HLA-DPB1: variants seen among roughly 807,000 people sequenced by gnomAD.
HLA-DPB1 encodes the protein HLA class II histocompatibility antigen, DP beta 1 chain.
HLA-DPB1 carries 30 observed loss-of-function variants against 29.4 expected under a neutral mutation model. That is an observed-to-expected ratio of 1.02 (90% confidence interval 0.76 to 1.38). The LOEUF (loss-of-function observed/expected upper bound fraction) is 1.38, where lower values mean the gene tolerates loss of function less well. HLA-DPB1 is among the 40% of genes most tolerant of loss of function. The probability of loss-of-function intolerance (pLI) is 0.00; values close to 1 mark genes in which losing one functional copy is unlikely to be tolerated. For missense variants in HLA-DPB1, 261 were observed against 327.5 expected, an observed-to-expected ratio of 0.80 and a Z score of 1.57; for synonymous variants, 114 against 134.0, an observed-to-expected ratio of 0.85 and a Z score of 1.03.
chr6:33,086,003 T>A (rs9277478), intron 4 of HLA-DPB1, 114 bp downstream of exon 4: 243,184 of 782,750 alleles, frequency 0.31, 42,836 homozygotes, highest in East Asian at 0.6. Context: ...AGGCCACTGA[T>A]ATCAGATAAT....
chr6:33,085,083 A>G lies in HLA-DPB1; in HGVS notation c.498A>G (p.Thr166=). 6.2e-7 allele frequency: 1 copy of G among 1,613,874 alleles called. No individual in the cohort carries two copies. The highest frequency in any genetic ancestry group is 8.5e-7 in the Non-Finnish European group (1 of 1,180,030). The change falls in exon 3 of 6, where the codon ACA becomes ACG. Residue 166 remains threonine, a synonymous_variant. Transcript: ENST00000418931. ...VRWFLNGQEE[T]AGVVSTNLIR... is the part of the protein sequence containing the mutation. The stretch of plus-strand genomic sequence containing the variant: ...GGTTCCTGAATGGACAGGAGGAAAC[A>G]GCTGGGGTCGTGTCCACCAACCTGA...
At chr6:33,084,020 T>G (rs1233736299) in intron 2 of HLA-DPB1, 1 of 147,974 alleles carries the variant, frequency 6.8e-6, no homozygotes, top group Non-Finnish European at 1.5e-5. Flanking sequence ...ATTCTGTAAA[T>G]ATGAAGATTT....
chr6:33,082,363 C>G (rs1762908885), intron 2 of HLA-DPB1, among the ~76,000 whole-genome samples: 1 of 151,942 alleles, frequency 6.6e-6, no homozygotes, highest in East Asian at 1.9e-4. Context: ...TCCCCAACCT[C>G]ACTCCTCTGA....
chr6:33,080,105 A>G lies in HLA-DPB1; in HGVS notation c.101-567A>G, dbSNP rs989529801. ...AGTTGAAGAAAGTTTTAAGAAATATATTTCTACATCTCCTACATGCAAAAC... is the reference window on the plus strand; with the variant it reads ...AGTTGAAGAAAGTTTTAAGAAATATGTTTCTACATCTCCTACATGCAAAAC... On this transcript the variant is annotated intron_variant, in intron 1 of 5. Coordinates refer to ENST00000418931, the MANE Select transcript of HLA-DPB1 (RefSeq NM_002121.6). This position sits in a 1 kb window ranked among gnomAD's most constrained non-coding sequence, Gnocchi z 4.3. 6.6e-6 allele frequency among the ~76,000 whole-genome samples: 1 copy of G among 152,186 alleles called. No homozygotes were observed. The highest frequency in any genetic ancestry group is 1.5e-5 in the Non-Finnish European group (1 of 68,040).
intron 1 of HLA-DPB1, among the ~76,000 whole-genome samples, chr6:33,079,071 A>G (rs1762704384): frequency 6.6e-6 from 1 of 152,248 alleles, no homozygotes; most frequent in South Asian, 2.1e-4. Flanking sequence ...GGTGGACTCC[A>G]TGGTGCCCTT....
rs1763228333 is a variant in HLA-DPB1, at chr6:33,088,796, T to C, written c.*2262T>C. ...CAGAGATTCAAAGGAAAGTTGGAAC[T>C]GGAGCTTTAAAGGAGATGTGAAGTG... On this transcript the variant is annotated 3_prime_UTR_variant, in exon 6 of 6. Coordinates refer to ENST00000418931, the MANE Select transcript of HLA-DPB1 (RefSeq NM_002121.6). Among the ~76,000 whole-genome samples, 1 of 152,134 alleles carries C rather than the reference T, an allele frequency of 6.6e-6. No individual in the cohort carries two copies. Among genetic ancestry groups the C allele is most frequent in the Non-Finnish European group, 1.5e-5 (1 of 68,020 alleles).
At chr6:33,084,843 CAA>C (rs111291348) in intron 2 of HLA-DPB1, 105 bp from the exon 3 acceptor site, 128,132 of 659,486 alleles carry the variant, frequency 0.19, 25,201 homozygotes, top group East Asian at 0.56. Context: ...GATTATGTCT[CAA>C]AAAAAAGGAA....
intron 2 of HLA-DPB1, among the ~76,000 whole-genome samples, chr6:33,084,703 G>A (rs1369504991): frequency 6.6e-6 from 1 of 152,076 alleles, no homozygotes; most frequent in Non-Finnish European, 1.5e-5. Flanking sequence ...GGAGGCTGAG[G>A]AAGGAGAATT....
Position 33,085,666 on chromosome 6 carries a change from C to T in HLA-DPB1, c.647-113C>T, listed in dbSNP as rs73741641. ...GAATTTCCTCTTAGCAAGCTTTTTC[C>T]GCTGCACTGTCCTCATCCCGATATG... On this transcript the variant is annotated intron_variant, in intron 3 of 5. Transcript: ENST00000418931. 2.9e-3 allele frequency: 2,213 copies of T among 775,264 alleles called. 29 individuals are homozygous for T. In the African/African-American group the frequency reaches 0.031, roughly 11 times the overall value. 48.0% of individuals were successfully genotyped at this position (775,264 alleles called of 1,614,324 possible).
At position 33,086,873 on chromosome 6, in the gene HLA-DPB1, G is replaced by T; in HGVS notation, c.*339G>T. The T allele has an allele frequency of 1.0e-5, 3 of 285,728 alleles. No individual in the cohort carries two copies. The highest frequency in any genetic ancestry group is 3.4e-5 in the South Asian group (1 of 29,622). 17.7% of individuals were successfully genotyped at this position (285,728 alleles called of 1,614,324 possible). ...AGGAGTTAATAAAGAAGTTCATTTT[G>T]GTTTAAACATAGGAAAGAAGAGAAC... On this transcript the variant is annotated 3_prime_UTR_variant, in exon 6 of 6. Coordinates refer to ENST00000418931, the MANE Select transcript of HLA-DPB1 (RefSeq NM_002121.6).
At chr6:33,085,530 C>T (rs9277463) in intron 3 of HLA-DPB1, among the ~76,000 whole-genome samples, 57,830 of 151,982 alleles carry the variant, frequency 0.38, 12,439 homozygotes, top group East Asian at 0.64. Flanking sequence ...AGTTCTCTTC[C>T]TTCAGCATTT....
chr6:33,079,325 T>C (rs1219592515), intron 1 of HLA-DPB1: 1 of 181,858 alleles, frequency 5.5e-6, no homozygotes, highest in Non-Finnish European at 1.1e-5. Flanking sequence ...CAGACACTGC[T>C]CATGGCACTC....
Position 33,086,636 on chromosome 6 carries a change from T to C in HLA-DPB1, c.*102T>C, listed in dbSNP as rs1042511. 1.0e-5 allele frequency: 5 copies of C among 480,176 alleles called. No homozygotes were observed. Among genetic ancestry groups the C allele is most frequent in the South Asian group, 1.8e-5 (1 of 56,402 alleles). 29.7% of individuals were successfully genotyped at this position (480,176 alleles called of 1,614,324 possible). On this transcript the variant is annotated 3_prime_UTR_variant, in exon 6 of 6. Coordinates refer to ENST00000418931, the MANE Select transcript of HLA-DPB1 (RefSeq NM_002121.6). ...CCAGGACAGACCTTCAACTTCCAAA[T>C]TGGATACTGCTGCCAAGAAGTTGCT...
Position 33,080,480 on chromosome 6 carries a change from G to A in HLA-DPB1, c.101-192G>A. 1.3e-6 allele frequency: 1 copy of A among 778,526 alleles called. No individual in the cohort carries two copies. Among genetic ancestry groups the A allele is most frequent in the Non-Finnish European group, 2.3e-6 (1 of 443,754 alleles). 48.2% of individuals were successfully genotyped at this position (778,526 alleles called of 1,614,324 possible). On this transcript the variant is annotated intron_variant, in intron 1 of 5. Transcript: ENST00000418931. The surrounding 1 kb of genome is among the most constrained non-coding windows in gnomAD (Gnocchi z 4.3). ...TTTTCAGTAAATTCTCTCTCTGCGT[G>A]GTGAGAAAACAGGCCTGGAGAGGCT...
rs1299157561 is a variant in HLA-DPB1, at chr6:33,088,305, T to C, written c.*1771T>C. Reference sequence around the variant, plus strand: ...AAACCATATCCAGTCAGAGTCATTCTCTTTCCTGCTTGTCTCCTGTACTCA... The same window carrying C: ...AAACCATATCCAGTCAGAGTCATTCCCTTTCCTGCTTGTCTCCTGTACTCA... On this transcript the variant is annotated 3_prime_UTR_variant, in exon 6 of 6. Coordinates refer to ENST00000418931, the MANE Select transcript of HLA-DPB1 (RefSeq NM_002121.6). 6.6e-6 allele frequency among the ~76,000 whole-genome samples: 1 copy of C among 152,198 alleles called. No individual in the cohort carries two copies. The highest frequency in any genetic ancestry group is 1.5e-5 in the Non-Finnish European group (1 of 68,036).
Position 33,086,634 on chromosome 6 carries a change from A to AGG in HLA-DPB1, c.*100_*101insGG. ...CTCCAGGACAGACCTTCAACTTCCA[A>AGG]ATTGGATACTGCTGCCAAGAAGTTG... is the stretch of plus-strand genomic sequence containing the variant. On this transcript the variant is annotated 3_prime_UTR_variant, in exon 6 of 6. Coordinates refer to ENST00000418931, the MANE Select transcript of HLA-DPB1 (RefSeq NM_002121.6). 2.0e-6 allele frequency: 1 copy of AGG among 506,304 alleles called. No individual in the cohort carries two copies. Among genetic ancestry groups the AGG allele is most frequent in the Non-Finnish European group, 3.9e-6 (1 of 257,540 alleles). 31.4% of individuals were successfully genotyped at this position (506,304 alleles called of 1,614,324 possible).
At chr6:33,085,966 C>T in intron 4 of HLA-DPB1, 77 bp downstream of exon 4, 2 of 992,408 alleles carry the variant, frequency 2.0e-6, no homozygotes, top group Non-Finnish European at 3.1e-6. Context: ...AGGGGTTTGA[C>T]AGAAAAGAAA....
At chr6:33,082,022 G>A (rs1583121588) in intron 2 of HLA-DPB1, 1 of 152,258 alleles carries the variant, frequency 6.6e-6, no homozygotes, top group Non-Finnish European at 1.5e-5. Context: ...GGAAAAAAAT[G>A]AAGGGAGGAG....
chr6:33,081,074 C>A, intron 2 of HLA-DPB1, 139 bp downstream of exon 2: 1 of 1,013,790 alleles, frequency 9.9e-7, no homozygotes, highest in Non-Finnish European at 1.4e-6. Flanking sequence ...ATGGGGGGAG[C>A]CCATCTGGAG....
Sources: gnomAD v4.1 joint callset for allele counts (sites outside exome capture counted in the v4.1 genomes callset) on GRCh38, gnomAD v4.1.1 for gene constraint, Gnocchi (gnomAD v3.1) non-coding constraint, MANE v1.5 for transcripts, NCBI Gene and HGNC (gene_info 2026-07-23, HGNC 2026-07-21) for gene names.